Variants in KLF8 observed in about 807,000 individuals in gnomAD.
KLF8 encodes Krueppel-like factor 8.
KLF8 carries 10 observed loss-of-function variants against 18.2 expected under a neutral mutation model. The observed-to-expected ratio is 0.55, with a 90% CI of 0.34 to 0.93. The LOEUF (loss-of-function observed/expected upper bound fraction) is 0.93, where lower values mean the gene tolerates loss of function less well. KLF8 is among the 40% of genes least tolerant of loss of function. The probability of loss-of-function intolerance (pLI) is 0.02; values close to 1 mark genes in which losing one functional copy is unlikely to be tolerated. For synonymous variants in KLF8, 109 were observed against 97.3 expected (o/e 1.12, Z -0.71); for missense variants, 264 against 277.9 (o/e 0.95, Z 0.36).
At chrX:56,038,183 C>T in the KLF8 span, among the ~76,000 whole-genome samples, 1 of 112,075 alleles carries the variant, frequency 8.9e-6, no homozygotes, top group Non-Finnish European at 1.9e-5. Flanking sequence ...CTGAATAGTA[C>T]TCCATTGTGT....
chrX:56,187,369 T>A, the KLF8 span, among the ~76,000 whole-genome samples: 3 of 111,599 alleles, frequency 2.7e-5, no homozygotes, highest in Non-Finnish European at 5.7e-5. Flanking sequence ...TCTGAAATTG[T>A]GGCAATAATC....
At chrX:55,991,712 G>C in the KLF8 span, among the ~76,000 whole-genome samples, 1 of 112,304 alleles carries the variant, frequency 8.9e-6, no homozygotes, top group Non-Finnish European at 1.9e-5. Flanking sequence ...ACTTATTTAC[G>C]TTAACACCAG....
the KLF8 span, among the ~76,000 whole-genome samples, chrX:55,995,720 G>A: frequency 1.8e-5 from 2 of 111,899 alleles, no homozygotes; most frequent in East Asian, 5.6e-4. Flanking sequence ...ATGTCTTCTG[G>A]CTTGTAGGAT....
the KLF8 span, among the ~76,000 whole-genome samples, chrX:56,006,236 G>T: frequency 8.9e-6 from 1 of 112,285 alleles, no homozygotes; most frequent in South Asian, 3.7e-4. Flanking sequence ...GCCAGCTGAA[G>T]TGTCTGTAGT....
chrX:56,022,473 C>T, the KLF8 span, among the ~76,000 whole-genome samples: 2 of 97,151 alleles, frequency 2.1e-5, no homozygotes, highest in African/African-American at 8.3e-5. Context: ...GGCGTGAACC[C>T]GGGAGGCAGA....
the KLF8 span, among the ~76,000 whole-genome samples, chrX:55,927,006 G>A: frequency 9.0e-6 from 1 of 111,680 alleles, no homozygotes; most frequent in African/African-American, 3.3e-5. Flanking sequence ...AAAGCAGACA[G>A]TAGGACAAAT....
the KLF8 span, among the ~76,000 whole-genome samples, chrX:56,050,096 G>A: frequency 3.6e-5 from 4 of 110,249 alleles, no homozygotes; most frequent in African/African-American, 1.3e-4. Flanking sequence ...TTGTATTTCT[G>A]TGGGATCGGT....
the KLF8 span, among the ~76,000 whole-genome samples, chrX:56,080,111 G>T: frequency 9.0e-6 from 1 of 111,449 alleles, no homozygotes. Flanking sequence ...CAATTTGCCA[G>T]TCTGTGTCTT....
At chrX:55,958,396 G>T in the KLF8 span, among the ~76,000 whole-genome samples, 1 of 111,968 alleles carries the variant, frequency 8.9e-6, no homozygotes, top group Admixed American at 9.5e-5. Flanking sequence ...GCTACAAGAG[G>T]TTTTATACCT....
At chrX:56,191,553 A>C in the KLF8 span, among the ~76,000 whole-genome samples, 1 of 111,786 alleles carries the variant, frequency 8.9e-6, no homozygotes. Flanking sequence ...AATTCTCTAG[A>C]AAATTGTAGC....
chrX:56,130,643 C>A, the KLF8 span, among the ~76,000 whole-genome samples: 1 of 111,121 alleles, frequency 9.0e-6, no homozygotes, highest in Non-Finnish European at 1.9e-5. Flanking sequence ...GCAATGGATC[C>A]AAGCCAAGAA....
chrX:56,228,431 C>T (rs371413694), upstream of KLF8, among the ~76,000 whole-genome samples: 8 of 111,987 alleles, frequency 7.1e-5, no homozygotes, highest in African/African-American at 2.6e-4. Context: ...GGGCGTAAAG[C>T]TTAAGCTTCA....
the KLF8 span, among the ~76,000 whole-genome samples, chrX:56,187,503 A>C: frequency 8.9e-6 from 1 of 111,749 alleles, no homozygotes; most frequent in South Asian, 3.8e-4. Context: ...AAAAGAGGGA[A>C]TCCTCCCTAA....
At chrX:55,944,568 A>G in the KLF8 span, among the ~76,000 whole-genome samples, 1 of 111,464 alleles carries the variant, frequency 9.0e-6, no homozygotes, top group African/African-American at 3.3e-5. Flanking sequence ...GGCAGGGTGT[A>G]TGTGTCGAGG....
the KLF8 span, among the ~76,000 whole-genome samples, chrX:56,222,957 AG>A: frequency 2.7e-5 from 3 of 112,672 alleles, no homozygotes; most frequent in African/African-American, 9.7e-5. Flanking sequence ...CGGCAGGCTG[AG>A]GGAGCTGGCT....
At chrX:56,052,440 G>C in the KLF8 span, among the ~76,000 whole-genome samples, 1 of 111,718 alleles carries the variant, frequency 9.0e-6, no homozygotes, top group Non-Finnish European at 1.9e-5. Context: ...TGTACAGATG[G>C]GTTTTTGGTG....
At chrX:55,945,648 G>T in the KLF8 span, among the ~76,000 whole-genome samples, 1 of 111,083 alleles carries the variant, frequency 9.0e-6, no homozygotes, top group Non-Finnish European at 1.9e-5. Context: ...GGACAATTAG[G>T]CAGGAGAAGG....
At chrX:56,050,467 G>A in the KLF8 span, among the ~76,000 whole-genome samples, 4 of 111,904 alleles carry the variant, frequency 3.6e-5, no homozygotes, top group Non-Finnish European at 7.5e-5. Flanking sequence ...GGTATGTTGT[G>A]TCTTTGTTCT....
At chrX:55,967,845 G>A in the KLF8 span, among the ~76,000 whole-genome samples, 1 of 111,521 alleles carries the variant, frequency 9.0e-6, no homozygotes, top group African/African-American at 3.3e-5. Flanking sequence ...GATATAAATG[G>A]AAACAAACCC....
Sources: allele counts gnomAD v4.1 joint callset (sites outside exome capture counted in the v4.1 genomes callset), GRCh38; gene constraint gnomAD v4.1.1; transcripts MANE v1.5; gene names NCBI Gene and HGNC (gene_info 2026-07-23, HGNC 2026-07-21).